Variants in AVEN observed in about 807,000 individuals in gnomAD.
The protein encoded by AVEN is cell death regulator Aven.
Under a neutral mutation model 38.1 loss-of-function variants are expected in AVEN, and 41 were observed. That is an observed-to-expected ratio of 1.08 (90% CI 0.84 to 1.40). The LOEUF (loss-of-function observed/expected upper bound fraction) is 1.40, where lower values mean the gene tolerates loss of function less well. AVEN is among the 40% of genes most tolerant of loss of function. The pLI, the probability that AVEN is intolerant of heterozygous loss-of-function variation, is 0.00. For synonymous variants in AVEN, 206 were observed against 171.8 expected (o/e 1.20, Z -1.56); for missense variants, 605 against 438.8 (o/e 1.38, Z -3.38).
At chr15:33,877,114 C>T (rs1891266485) in intron 2 of AVEN, among the ~76,000 whole-genome samples, 1 of 152,154 alleles carries the variant, frequency 6.6e-6, no homozygotes, top group South Asian at 2.1e-4. Context: ...AGAAATAAAG[C>T]AGTTTTATAA....
chr15:33,854,635 GC>G (rs1361608152), downstream of AVEN: 3 of 1,242,722 alleles, frequency 2.4e-6, no homozygotes, highest in African/African-American at 3.0e-5. Context: ...CAGATCTTGG[GC>G]CAGCTCACAG....
intron 2 of AVEN, among the ~76,000 whole-genome samples, chr15:33,909,327 AAAAC>A (rs199726027): frequency 0.017 from 2,648 of 152,320 alleles, 36 homozygotes; most frequent in Non-Finnish European, 0.021. Context: ...GCAGGGAGAA[AAAAC>A]AAACAAACAA....
At chr15:33,965,303 A>C (rs556071622) in intron 2 of AVEN, among the ~76,000 whole-genome samples, 12 of 152,288 alleles carry the variant, frequency 7.9e-5, no homozygotes, top group African/African-American at 2.4e-4. Flanking sequence ...CTTAAAATGC[A>C]ACTTTTTCTC....
rs568461440 is a variant in AVEN at position 33,930,114 on chromosome 15, TC to T, written c.446-54120del. On this transcript the variant is annotated intron_variant, in intron 2 of 5. Coordinates refer to ENST00000306730, the MANE Select transcript of AVEN (RefSeq NM_020371.3). ...CTGTTCTAGCATGCCATGGTAAGTC[TC>T]CAAAGCAATAGAAAAAAATTAACAA... Among the ~76,000 whole-genome samples the T allele has an allele frequency of 2.7e-3, 418 of 152,288 alleles. 3 individuals are homozygous for T. Among genetic ancestry groups the T allele is most frequent in the Admixed American group, 6.2e-3 (95 of 15,286 alleles).
intron 2 of AVEN, among the ~76,000 whole-genome samples, chr15:33,983,081 A>G (rs1422548359): frequency 6.6e-6 from 1 of 151,866 alleles, no homozygotes; most frequent in African/African-American, 2.4e-5. Context: ...ACGTGGATAT[A>G]TAAATCACTT....
intron 1 of AVEN, among the ~76,000 whole-genome samples, chr15:34,073,989 C>CTTTTTTTTTTTTTTTTTTTTT (rs5811818): frequency 3.2e-5 from 1 of 31,474 alleles, no homozygotes; most frequent in Non-Finnish European, 9.9e-5. Flanking sequence ...TCTTCTTCTT[C>CTTTTTTTTTTTTTTTTTTTTT]TTTTTTTTTT....
chr15:33,892,164 G>A (rs11072777), intron 2 of AVEN, among the ~76,000 whole-genome samples: 1 of 152,018 alleles, frequency 6.6e-6, no homozygotes, highest in East Asian at 1.9e-4. Flanking sequence ...AATTTTCTCC[G>A]ATTCTGTAGG....
intron 2 of AVEN, among the ~76,000 whole-genome samples, chr15:33,994,418 A>T (rs983407745): frequency 2.0e-5 from 3 of 152,230 alleles, no homozygotes; most frequent in African/African-American, 2.4e-5. Context: ...TGAGTTGTAT[A>T]ATTATTTCAC....
intron 2 of AVEN, among the ~76,000 whole-genome samples, chr15:33,963,675 T>C (rs1895281491): frequency 6.6e-6 from 1 of 151,188 alleles, no homozygotes; most frequent in Non-Finnish European, 1.5e-5. Context: ...TGGGCGCCTA[T>C]AATCCCAGCT....
Position 34,038,972 on chromosome 15 carries a change from G to T in AVEN, c.75C>A (p.His25Gln). The T allele has an allele frequency of 9.0e-7, 1 of 1,112,216 alleles. No homozygotes were observed. Among genetic ancestry groups the T allele is most frequent in the South Asian group, 3.8e-5 (1 of 26,110 alleles). The allele number at this position is 1,112,216 out of a possible 1,614,324, so 68.9% of individuals were successfully genotyped here. The stretch of plus-strand genomic sequence containing the variant: ...CCGCTGCGGCTCCGGGCCGCTCGCT[G>T]TGGCGATCTCCGCCAGGCCGGCCGC... Reference protein sequence around the residue: ...PGRGRPGGDRHSERPGAAAAV... With the variant: ...PGRGRPGGDRQSERPGAAAAV... Residue 25 changes from histidine to glutamine, a missense_variant, in exon 1 of 6, where the codon CAC becomes CAA. His to Gln is a conservative substitution (Grantham distance 24, BLOSUM62 0). Coordinates refer to ENST00000306730, the MANE Select transcript of AVEN (RefSeq NM_020371.3).
At chr15:33,920,843 G>A (rs547052224) in intron 2 of AVEN, among the ~76,000 whole-genome samples, 2 of 151,944 alleles carry the variant, frequency 1.3e-5, no homozygotes, top group South Asian at 2.1e-4. Context: ...TCGCAATCTC[G>A]GCTGACTGCA....
At chr15:34,026,008 G>C (rs1290935982) in intron 1 of AVEN, among the ~76,000 whole-genome samples, 2 of 151,970 alleles carry the variant, frequency 1.3e-5, no homozygotes, top group East Asian at 1.9e-4. Context: ...TTTCAAATTG[G>C]AATATATCTA....
chr15:33,853,193 G>A, the AVEN span: 1 of 1,054,548 alleles, frequency 9.5e-7, no homozygotes, highest in Non-Finnish European at 1.4e-6. Context: ...CTACTTTTAT[G>A]ATAATATCTC....
chr15:33,960,734 G>A (rs1310421384), intron 2 of AVEN, among the ~76,000 whole-genome samples: 1 of 152,144 alleles, frequency 6.6e-6, no homozygotes, highest in African/African-American at 2.4e-5. Flanking sequence ...ATCTTCTGCT[G>A]TATAGCGACT....
intron 1 of AVEN, chr15:34,007,118 T>G: frequency 1.1e-6 from 1 of 911,566 alleles, no homozygotes; most frequent in Non-Finnish European, 1.3e-6. Flanking sequence ...GCTGAAGACC[T>G]ATTATATAAT....
downstream of AVEN, among the ~76,000 whole-genome samples, chr15:33,861,329 C>G (rs1482787563): frequency 6.6e-6 from 1 of 152,180 alleles, no homozygotes; most frequent in Non-Finnish European, 1.5e-5. Context: ...TAGACTCTGT[C>G]TCTCCCATGT....
chr15:33,955,548 G>T (rs899938744), intron 2 of AVEN, among the ~76,000 whole-genome samples: 5 of 152,070 alleles, frequency 3.3e-5, no homozygotes, highest in Non-Finnish European at 7.4e-5. Context: ...TACTAAGCTA[G>T]TCAGGAAAAA....
chr15:33,892,971 T>C lies in AVEN; in HGVS notation c.446-16976A>G, dbSNP rs1473545650. 3.3e-5 allele frequency among the ~76,000 whole-genome samples: 5 copies of C among 152,212 alleles called. No homozygotes were observed. In the South Asian group the frequency reaches 8.3e-4, roughly 25 times the overall value. ...GTAATTTGGATTCCTAGGTATTTTA[T>C]TCTCTTTGTAGCAATTGTGAATGGG... On this transcript the variant is annotated intron_variant, in intron 2 of 5. Coordinates refer to ENST00000306730, the MANE Select transcript of AVEN (RefSeq NM_020371.3).
At chr15:34,018,184 G>A (rs913104048) in intron 1 of AVEN, 1 of 152,230 alleles carries the variant, frequency 6.6e-6, no homozygotes, top group Non-Finnish European at 1.5e-5. Context: ...TGTTACATAG[G>A]AGATGACAGC....
Sources: allele counts gnomAD v4.1 joint callset (sites outside exome capture counted in the v4.1 genomes callset), GRCh38; gene constraint gnomAD v4.1.1; transcripts MANE v1.5; gene names NCBI Gene and HGNC (gene_info 2026-07-23, HGNC 2026-07-21).